Variants in ACAD11 observed in about 807,000 individuals in gnomAD.
ACAD11 encodes acyl-Coenzyme A dehydrogenase family, member 11.
In ACAD11, 83 loss-of-function variants were observed where a neutral mutation model predicts 102.2. The ratio of observed to expected loss-of-function variants is 0.81; its 90% CI spans 0.68 to 0.97. ACAD11 has a LOEUF of 0.97. ACAD11 is among the 50% of genes least tolerant of loss of function. ACAD11 has a pLI of 0.00. For synonymous variants in ACAD11, 324 were observed against 319.8 expected (o/e 1.01, Z -0.14); for missense variants, 901 against 951.7 (o/e 0.95, Z 0.70).
intron 7 of ACAD11, among the ~76,000 whole-genome samples, chr3:132,629,243 C>A (rs1186129313): frequency 3.9e-5 from 6 of 152,194 alleles, no homozygotes; most frequent in African/African-American, 1.4e-4. Flanking sequence ...AGTGCAACCT[C>A]CACCTCCCAG....
chr3:132,626,846 G>A (rs779121148), intron 8 of ACAD11, 29 bp from the exon 9 acceptor site: 85 of 1,591,528 alleles, frequency 5.3e-5, no homozygotes, highest in Non-Finnish European at 7.2e-5. Flanking sequence ...GGAAAAAAAG[G>A]TTACAAAGAT....
chr3:132,624,874 G>C (rs1298212007), intron 9 of ACAD11, among the ~76,000 whole-genome samples: 1 of 151,798 alleles, frequency 6.6e-6, no homozygotes, highest in Admixed American at 6.6e-5. Flanking sequence ...AGTAGAGATT[G>C]GGTTTATGCC....
intron 13 of ACAD11, among the ~76,000 whole-genome samples, chr3:132,593,795 T>C (rs1033516737): frequency 6.6e-6 from 1 of 151,990 alleles, no homozygotes; most frequent in Non-Finnish European, 1.5e-5. Flanking sequence ...ACAAGGGACA[T>C]TGCTATGTTA....
rs1459363968 is a variant in ACAD11, at chr3:132,619,535, TCA to T, written c.1206_1207del (p.Glu403ValfsTer6). On this transcript the variant is annotated frameshift_variant, in exon 10 of 20. Transcript: ENST00000264990. LOFTEE classifies it high-confidence loss of function. ...TGAATTTTCATTTTGAACATAGAAC[TCA>T]GTTACCTCCTTAAAGTAATAAAAGA... 25 of 1,583,664 alleles carry T rather than the reference TCA, an allele frequency of 1.6e-5. No individual in the cohort carries two copies. Among genetic ancestry groups the T allele is most frequent in the Non-Finnish European group, 2.1e-5 (24 of 1,166,248 alleles).
At chr3:132,561,255 T>A in intron 17 of ACAD11, 38 bp from the exon 18 acceptor site, 1 of 1,494,690 alleles carries the variant, frequency 6.7e-7, no homozygotes, top group South Asian at 1.1e-5. Context: ...AAGGAGGAGC[T>A]AAGCTGGTAT....
chr3:132,605,279 A>C, intron 11 of ACAD11, 74 bp from the exon 12 acceptor site: 1 of 1,012,342 alleles, frequency 9.9e-7, no homozygotes, highest in Non-Finnish European at 1.5e-6. Flanking sequence ...TTATGTAGAG[A>C]GTATAGAAAT....
chr3:132,620,800 T>C (rs1939577847), intron 9 of ACAD11, among the ~76,000 whole-genome samples: 1 of 152,168 alleles, frequency 6.6e-6, no homozygotes, highest in South Asian at 2.1e-4. Flanking sequence ...CTGGGGAACT[T>C]GATAAAAATA....
At chr3:132,592,776 C>A (rs1938133900) in intron 13 of ACAD11, among the ~76,000 whole-genome samples, 2 of 152,078 alleles carry the variant, frequency 1.3e-5, no homozygotes, top group Admixed American at 1.3e-4. Context: ...GGAGTAAGTA[C>A]TATTTTACAA....
Position 132,559,022 on chromosome 3 carries a change from G to A in ACAD11, c.2292C>T (p.Ile764=), listed in dbSNP as rs2270801. 181,295 of 1,613,382 alleles carry A rather than the reference G, an allele frequency of 0.11. 11,819 individuals carry two copies. The highest frequency in any genetic ancestry group is 0.15 in the Middle Eastern group (938 of 6,058). The part of the protein sequence containing the change: ...DGPDEVHLSA[I]ATMELRDQAK... ...CTTGGTCCCGCAGCTCCATTGTTGC[G>A]ATTGCTGAAAGATGAACTTCGTCAG... The change falls in exon 20 of 20, where the codon ATC becomes ATT. Residue 764 remains isoleucine, a synonymous_variant. Transcript: ENST00000264990.
intron 8 of ACAD11, 32 bp from the exon 9 acceptor site, chr3:132,626,849 A>G: frequency 6.3e-7 from 1 of 1,592,538 alleles, no homozygotes; most frequent in Non-Finnish European, 8.5e-7. Context: ...AAAAAAGGTT[A>G]CAAAGATGTC....
At chr3:132,602,208 T>C (rs1367541375) in intron 13 of ACAD11, 1 of 166,896 alleles carries the variant, frequency 6.0e-6, no homozygotes, top group Non-Finnish European at 1.5e-5. Context: ...AAAAACAAAC[T>C]ATAATAAGCT....
chr3:132,622,014 CAA>C (rs1939628852), intron 9 of ACAD11, among the ~76,000 whole-genome samples: 1 of 146,102 alleles, frequency 6.8e-6, no homozygotes, highest in East Asian at 2.0e-4. Context: ...AAAACAATAA[CAA>C]TCACTAATTT....
intron 17 of ACAD11, among the ~76,000 whole-genome samples, chr3:132,565,742 C>A (rs1277199158): frequency 1.3e-5 from 2 of 152,180 alleles, no homozygotes; most frequent in Non-Finnish European, 2.9e-5. Flanking sequence ...AATGAGTTCA[C>A]ATGAGATCTG....
intron 4 of ACAD11, among the ~76,000 whole-genome samples, 171 bp from the exon 5 acceptor site, chr3:132,639,827 T>C (rs181051618): frequency 6.6e-4 from 101 of 152,254 alleles, no homozygotes; most frequent in Non-Finnish European, 9.0e-4. Context: ...ACCTTAAACA[T>C]TTAAGTCTCT....
chr3:132,588,222 T>TATGTATGTATGTATGC (rs567667896), intron 13 of ACAD11, among the ~76,000 whole-genome samples: 3 of 152,110 alleles, frequency 2.0e-5, no homozygotes, highest in African/African-American at 7.2e-5. Flanking sequence ...TGTATGTATG[T>TATGTATGTATGTATGC]ATGCATGTAG....
At position 132,642,708 on chromosome 3, in the gene ACAD11, C is replaced by G; in HGVS notation, c.344G>C (p.Gly115Ala). Residue 115 changes from glycine (G) to alanine (A), a missense_variant, in exon 3 of 20, where the codon GGA becomes GCA. Coordinates refer to ENST00000264990, the MANE Select transcript of ACAD11 (RefSeq NM_032169.5). ...ILYCSDTSVI[G>A]TEFYVMEHVQ... ...ATGTTCCATTACGTAAAATTCTGTTCCAATGACAGAAGTATCACTGCAGTA... is the reference window on the plus strand; with the variant it reads ...ATGTTCCATTACGTAAAATTCTGTTGCAATGACAGAAGTATCACTGCAGTA... 6.2e-7 allele frequency: 1 copy of G among 1,610,466 alleles called. No homozygotes were observed. The highest frequency in any genetic ancestry group is 8.5e-7 in the Non-Finnish European group (1 of 1,178,820).
intron 1 of ACAD11, among the ~76,000 whole-genome samples, chr3:132,650,942 C>T (rs1940909123): frequency 6.6e-6 from 1 of 152,192 alleles, no homozygotes; most frequent in South Asian, 2.1e-4. Flanking sequence ...CCCCTCAACT[C>T]CTGATATCCT....
chr3:132,628,399 G>A lies in ACAD11; in HGVS notation c.1011C>T (p.Ser337=), dbSNP rs200499207. 1.7e-4 allele frequency: 270 copies of A among 1,612,940 alleles called. 1 individual carries two copies. In the East Asian group the frequency reaches 5.8e-3, roughly 35 times the overall value. The change falls in exon 8 of 20, where the codon AGC becomes AGT. Residue 337 remains serine, a synonymous_variant. Transcript: ENST00000264990. ...GTTGCACAATATTGGCAAATAAAAAGCTATCCTCAGATGAATTATTTCCCA... is the reference window on the plus strand; with the variant it reads ...GTTGCACAATATTGGCAAATAAAAAACTATCCTCAGATGAATTATTTCCCA... ...YLLGNNSSED[S]FLFANIVQPL... is the part of the protein sequence containing the mutation.
rs1559966738 is a variant in ACAD11, at chr3:132,629,175, T to G, written c.964-729A>C. 4.6e-5 allele frequency among the ~76,000 whole-genome samples: 7 copies of G among 152,324 alleles called. No homozygotes were observed. The South Asian group carries it at 1.0e-3, about 23-fold the overall frequency. On this transcript the variant is annotated intron_variant, in intron 7 of 19. Coordinates refer to ENST00000264990, the MANE Select transcript of ACAD11 (RefSeq NM_032169.5). The stretch of plus-strand genomic sequence containing the variant: ...ATAGTTTATGTTGTACATTATTTTT[T>G]TGAGATGGAGCCTCACTCTGTCGCC...
Sources: allele counts gnomAD v4.1 joint callset (sites outside exome capture counted in the v4.1 genomes callset), GRCh38; gene constraint gnomAD v4.1.1; transcripts MANE v1.5; gene names NCBI Gene and HGNC (gene_info 2026-07-23, HGNC 2026-07-21).